The following SEPTIN10 variants were observed in gnomAD, a reference collection of about 807,000 sequenced individuals.
The protein encoded by SEPTIN10 is septin 10.
A neutral mutation model predicts 54.8 loss-of-function variants in SEPTIN10; 66 were observed. The observed-to-expected ratio is 1.21, with a 90% CI of 0.99 to 1.48. SEPTIN10 has a LOEUF of 1.48. SEPTIN10 is among the 40% of genes most tolerant of loss of function. SEPTIN10 has a pLI of 0.00. For synonymous variants in SEPTIN10, 161 were observed against 181.0 expected, an observed-to-expected ratio of 0.89 and a Z score of 0.89; for missense variants, 620 against 545.6, an observed-to-expected ratio of 1.14 and a Z score of -1.36.
chr2:109,560,859 C>G (rs1009917751), intron 8 of SEPTIN10, among the ~76,000 whole-genome samples: 2 of 152,098 alleles, frequency 1.3e-5, no homozygotes, highest in Admixed American at 6.6e-5. Flanking sequence ...ATCCAAACAA[C>G]CACTAAGTTC....
intron 1 of SEPTIN10, among the ~76,000 whole-genome samples, chr2:109,608,935 A>G (rs1024795395): frequency 3.9e-5 from 6 of 152,246 alleles, no homozygotes; most frequent in African/African-American, 1.4e-4. Context: ...TCACATTAAT[A>G]TGGTTGAAAG....
intron 2 of SEPTIN10, among the ~76,000 whole-genome samples, chr2:109,591,053 G>A (rs184940736): frequency 8.3e-4 from 127 of 152,250 alleles, no homozygotes; most frequent in Non-Finnish European, 1.6e-4. Flanking sequence ...AATTTGTGAC[G>A]ATTTGTTATG....
In SEPTIN10 at chr2:109,546,041, G is replaced by T; in HGVS notation, c.1349+9C>A. The T allele has an allele frequency of 6.4e-7, 1 of 1,560,086 alleles. No individual in the cohort carries two copies. The highest frequency in any genetic ancestry group is 1.2e-5 in the South Asian group (1 of 82,160). Reference sequence around the variant, plus strand: ...CAGGGCTGCCAGGGAGGGTGGCTGGGCCTCTTACTTCTTACGGTCCTTGTC... The same window carrying T: ...CAGGGCTGCCAGGGAGGGTGGCTGGTCCTCTTACTTCTTACGGTCCTTGTC... On this transcript the variant is annotated intron_variant, in intron 10 of 10. Transcript: ENST00000397712.
chr2:109,603,183 T>C (rs1401466248), intron 1 of SEPTIN10, among the ~76,000 whole-genome samples: 1 of 152,156 alleles, frequency 6.6e-6, no homozygotes, highest in Non-Finnish European at 1.5e-5. Context: ...TCAATGCTTA[T>C]TGTTTTTCAC....
chr2:109,571,884 G>A lies in SEPTIN10; in HGVS notation c.600+2697C>T, dbSNP rs147875196. 5.9e-3 allele frequency among the ~76,000 whole-genome samples: 905 copies of A among 152,264 alleles called. 9 individuals are homozygous for A. Among genetic ancestry groups the A allele is most frequent in the African/African-American group, 0.021 (874 of 41,548 alleles). ...CTAAGGGACTACATCAATATAAATT[G>A]CTCCTGGCTAACACTTCTTAAAGAC... On this transcript the variant is annotated intron_variant, in intron 5 of 10. Transcript: ENST00000397712.
chr2:109,551,182 G>A (rs1682857999), intron 9 of SEPTIN10, among the ~76,000 whole-genome samples: 1 of 152,086 alleles, frequency 6.6e-6, no homozygotes, highest in Non-Finnish European at 1.5e-5. Context: ...GTCATCTAAT[G>A]TTCACACACT....
chr2:109,571,744 C>T (rs1688445086), intron 5 of SEPTIN10, among the ~76,000 whole-genome samples: 1 of 152,120 alleles, frequency 6.6e-6, no homozygotes, highest in Non-Finnish European at 1.5e-5. Flanking sequence ...TGAGGGATGA[C>T]TAGGAAGCAT....
At chr2:109,609,664 C>G (rs1486705371) in intron 1 of SEPTIN10, among the ~76,000 whole-genome samples, 1 of 148,660 alleles carries the variant, frequency 6.7e-6, no homozygotes, top group Non-Finnish European at 1.5e-5. Flanking sequence ...ATCACAACTT[C>G]AAGACAGAAA....
At chr2:109,568,884 T>C (rs917233772) in intron 5 of SEPTIN10, among the ~76,000 whole-genome samples, 3 of 152,188 alleles carry the variant, frequency 2.0e-5, no homozygotes, top group East Asian at 1.9e-4. Context: ...GTGTTCATGA[T>C]GCAAAGGAAT....
At chr2:109,593,149 A>G (rs1225294849) in intron 1 of SEPTIN10, 30 bp from the exon 2 acceptor site, 2 of 1,482,052 alleles carry the variant, frequency 1.3e-6, no homozygotes, top group Non-Finnish European at 1.9e-6. Context: ...GCTTAAAAGG[A>G]AACAGAAACA....
intron 5 of SEPTIN10, among the ~76,000 whole-genome samples, chr2:109,568,812 C>G (rs1387576744): frequency 2.0e-5 from 3 of 152,092 alleles, no homozygotes; most frequent in African/African-American, 4.8e-5. Context: ...TACCTGTGCC[C>G]CACTGTCACA....
At chr2:109,604,429 GAAAGA>G (rs1056029139) in intron 1 of SEPTIN10, among the ~76,000 whole-genome samples, 12 of 139,096 alleles carry the variant, frequency 8.6e-5, no homozygotes, top group Admixed American at 7.7e-4. Context: ...AAAAAAGAAA[GAAAGA>G]AAAGAAAAGA....
intron 4 of SEPTIN10, among the ~76,000 whole-genome samples, chr2:109,578,195 A>G (rs960194854): frequency 6.6e-6 from 1 of 152,190 alleles, no homozygotes; most frequent in Non-Finnish European, 1.5e-5. Flanking sequence ...ATATGTCGGT[A>G]ATTACATTAA....
intron 1 of SEPTIN10, among the ~76,000 whole-genome samples, chr2:109,600,362 T>C (rs1265478134): frequency 2.0e-5 from 3 of 152,134 alleles, no homozygotes; most frequent in African/African-American, 7.2e-5. Flanking sequence ...TCCTCCTACA[T>C]GTCTGCTTGC....
chr2:109,544,299 A>G lies in SEPTIN10; in HGVS notation c.*10T>C. 1 of 1,601,156 alleles carries G rather than the reference A, an allele frequency of 6.2e-7. No homozygotes were observed. Among genetic ancestry groups the G allele is most frequent in the Non-Finnish European group, 8.5e-7 (1 of 1,176,630 alleles). On this transcript the variant is annotated 3_prime_UTR_variant, in exon 11 of 11. Transcript: ENST00000397712. ...GTGATGATGACCTTCTGTGCTCTGG[A>G]ACTTCTGTTTTACAAAAAATTGGAG...
rs762985012 is a variant in SEPTIN10, at chr2:109,574,617, T to C, written c.564A>G (p.Thr188=). The C allele has an allele frequency of 4.5e-5, 72 of 1,600,216 alleles. No individual in the cohort carries two copies. In the East Asian group the frequency reaches 1.6e-3, roughly 35 times the overall value. ...FISPTGHSLK[T]LDLLTMKNLD... The stretch of plus-strand genomic sequence containing the variant: ...GGTTCTTCATGGTTAAGAGATCAAG[T>C]GTCTTCAGAGAGTGGCCTGTCGGTG... Residue 188 remains threonine (T), a synonymous_variant, in exon 5 of 11, where the codon ACA becomes ACG. Coordinates refer to ENST00000397712, the MANE Select transcript of SEPTIN10 (RefSeq NM_144710.5).
At chr2:109,610,879 TAC>T (rs1359930595) in intron 1 of SEPTIN10, among the ~76,000 whole-genome samples, 1 of 152,124 alleles carries the variant, frequency 6.6e-6, no homozygotes, top group East Asian at 1.9e-4. Context: ...TTCTAAAACT[TAC>T]ACAGAGAGGC....
At chr2:109,581,672 T>C (rs937922198) in intron 4 of SEPTIN10, among the ~76,000 whole-genome samples, 8 of 152,158 alleles carry the variant, frequency 5.3e-5, no homozygotes, top group Non-Finnish European at 1.0e-4. Flanking sequence ...GCTTCATTAA[T>C]TGATAGAATA....
chr2:109,577,912 CAAA>C lies in SEPTIN10; in HGVS notation c.414-3148_414-3146del, dbSNP rs745439822. ...TGGGTGACGAAGTGAGACTTTGTCT[CAAA>C]AAAAAAAAAAAAAAAAAAAGAGTTA... On this transcript the variant is annotated intron_variant, in intron 4 of 10. Transcript: ENST00000397712. 1.3e-3 allele frequency among the ~76,000 whole-genome samples: 123 copies of C among 92,332 alleles called. 1 individual carries two copies. The highest frequency in any genetic ancestry group is 9.7e-3 in the South Asian group (25 of 2,582). The allele number at this position is 92,332 out of a possible 152,430, so 60.6% of individuals were successfully genotyped here.
Sources: gnomAD v4.1 joint callset for allele counts (sites outside exome capture counted in the v4.1 genomes callset) on GRCh38, gnomAD v4.1.1 for gene constraint, MANE v1.5 for transcripts, NCBI Gene and HGNC (gene_info 2026-07-23, HGNC 2026-07-21) for gene names.